The following CCDC6 variants were observed in gnomAD, a reference collection of about 807,000 sequenced individuals.
CCDC6 encodes the protein coiled-coil domain containing 6.
CCDC6 carries 20 observed loss-of-function variants against 56.6 expected under a neutral mutation model. The observed-to-expected ratio is 0.35, with a 90% CI of 0.25 to 0.51. The LOEUF (loss-of-function observed/expected upper bound fraction) is 0.51, where lower values mean the gene tolerates loss of function less well. CCDC6 is among the 20% of genes least tolerant of loss of function. CCDC6 has a pLI of 0.95. For missense variants in CCDC6, 367 were observed against 601.1 expected (o/e 0.61, Z 4.07); for synonymous variants, 241 against 234.4 (o/e 1.03, Z -0.26).
chr10:59,824,524 A>G (rs1294279351), intron 3 of CCDC6, among the ~76,000 whole-genome samples: 1 of 152,226 alleles, frequency 6.6e-6, no homozygotes, highest in East Asian at 1.9e-4. Context: ...TGGATTCGCT[A>G]TAATCAAATT....
At chr10:59,809,885 GTA>G in intron 5 of CCDC6, among the ~76,000 whole-genome samples, 1 of 152,320 alleles carries the variant, frequency 6.6e-6, no homozygotes, top group African/African-American at 2.4e-5. Flanking sequence ...AGGACTTACT[GTA>G]TTTTAGTCAA....
chr10:59,862,735 T>C (rs1409401052), intron 1 of CCDC6, among the ~76,000 whole-genome samples: 1 of 151,934 alleles, frequency 6.6e-6, no homozygotes, highest in Non-Finnish European at 1.5e-5. Flanking sequence ...TTGACAAAAA[T>C]TAACAAGTTT....
chr10:59,825,368 G>A (rs1341126323), intron 3 of CCDC6, among the ~76,000 whole-genome samples: 2 of 152,156 alleles, frequency 1.3e-5, no homozygotes, highest in Admixed American at 1.3e-4. Context: ...CATGTAAGAC[G>A]GGACATGCTC....
intron 1 of CCDC6, among the ~76,000 whole-genome samples, chr10:59,864,077 C>T (rs1477485376): frequency 1.3e-5 from 2 of 152,108 alleles, no homozygotes; most frequent in East Asian, 3.9e-4. Flanking sequence ...GTTCCCATGG[C>T]CAGCTTTAAA....
At chr10:59,797,637 GGA>G (rs1412451096) in intron 7 of CCDC6, among the ~76,000 whole-genome samples, 5 of 137,482 alleles carry the variant, frequency 3.6e-5, no homozygotes, top group Non-Finnish European at 7.6e-5. Context: ...AAGAAGACAG[GGA>G]GAGTGTGGGC....
chr10:59,805,617 T>C (rs1231620413), intron 6 of CCDC6: 3 of 152,218 alleles, frequency 2.0e-5, no homozygotes, highest in African/African-American at 7.2e-5. Context: ...TTTAGTATTC[T>C]AGCTGGCAGT....
intron 1 of CCDC6, among the ~76,000 whole-genome samples, chr10:59,898,315 C>T (rs1360112634): frequency 3.9e-5 from 6 of 152,216 alleles, no homozygotes; most frequent in Non-Finnish European, 8.8e-5. Context: ...CCAAAAGCCT[C>T]CCAGTGCCAC....
intron 5 of CCDC6, among the ~76,000 whole-genome samples, chr10:59,811,677 T>C (rs988104927): frequency 9.9e-5 from 15 of 152,144 alleles, no homozygotes; most frequent in Non-Finnish European, 2.1e-4. Context: ...TATGTGTGCA[T>C]ACTCAGGTCC....
chr10:59,852,529 GA>G (rs1329651026), intron 2 of CCDC6, 23 bp downstream of exon 2: 2 of 1,547,832 alleles, frequency 1.3e-6, no homozygotes, highest in Admixed American at 2.2e-5. Flanking sequence ...CAGGGAAGAT[GA>G]GGGAGTAGAA....
At chr10:59,894,985 A>C (rs1043842787) in intron 1 of CCDC6, among the ~76,000 whole-genome samples, 3 of 152,202 alleles carry the variant, frequency 2.0e-5, no homozygotes, top group African/African-American at 4.8e-5. Context: ...TTCTAATAGG[A>C]AAATGCCCAT....
At chr10:59,824,752 T>C (rs1467979594) in intron 3 of CCDC6, among the ~76,000 whole-genome samples, 2 of 152,342 alleles carry the variant, frequency 1.3e-5, no homozygotes, top group South Asian at 2.1e-4. Context: ...ATCTAGGTCA[T>C]GTTTTCTCAT....
At chr10:59,887,822 C>T (rs1388160039) in intron 1 of CCDC6, among the ~76,000 whole-genome samples, 1 of 151,902 alleles carries the variant, frequency 6.6e-6, no homozygotes, top group East Asian at 1.9e-4. Flanking sequence ...TTTTTTTAAC[C>T]TCCTCCTCTG....
chr10:59,829,022 G>A (rs968852955), intron 3 of CCDC6, among the ~76,000 whole-genome samples: 3 of 152,182 alleles, frequency 2.0e-5, no homozygotes, highest in Non-Finnish European at 4.4e-5. Context: ...CCTGTTTGAA[G>A]AATAAGTGGA....
intron 5 of CCDC6, among the ~76,000 whole-genome samples, chr10:59,809,603 C>T (rs2070656256): frequency 6.6e-6 from 1 of 152,160 alleles, no homozygotes; most frequent in South Asian, 2.1e-4. Flanking sequence ...ATGAGTCCTC[C>T]TCCTTCCTCT....
chr10:59,860,938 T>C (rs183799619), intron 1 of CCDC6, among the ~76,000 whole-genome samples: 6 of 152,220 alleles, frequency 3.9e-5, no homozygotes, highest in Admixed American at 2.0e-4. Context: ...CTCATGTCTG[T>C]AATCTCAGCA....
At chr10:59,836,920 C>T (rs2070887792) in intron 2 of CCDC6, among the ~76,000 whole-genome samples, 1 of 152,156 alleles carries the variant, frequency 6.6e-6, no homozygotes, top group African/African-American at 2.4e-5. Context: ...ACTATATGCT[C>T]AACTATAAAT....
intron 2 of CCDC6, among the ~76,000 whole-genome samples, chr10:59,839,537 GT>G (rs2070918231): frequency 6.7e-6 from 1 of 150,228 alleles, no homozygotes; most frequent in African/African-American, 2.5e-5. Context: ...CAAAGCCCCT[GT>G]TTCTCTTCCT....
chr10:59,850,334 T>A (rs1341863265), intron 2 of CCDC6, among the ~76,000 whole-genome samples: 1 of 148,182 alleles, frequency 6.7e-6, no homozygotes, highest in Non-Finnish European at 1.5e-5. Context: ...GCTAAAATGG[T>A]AAATTTTATG....
At chr10:59,843,255 A>G (rs1332890130) in intron 2 of CCDC6, among the ~76,000 whole-genome samples, 1 of 152,224 alleles carries the variant, frequency 6.6e-6, no homozygotes, top group East Asian at 1.9e-4. Context: ...CCTGGAATTC[A>G]TTGTTTATGA....
Sources: gnomAD v4.1 joint callset for allele counts (sites outside exome capture counted in the v4.1 genomes callset) on GRCh38, gnomAD v4.1.1 for gene constraint, MANE v1.5 for transcripts, NCBI Gene and HGNC (gene_info 2026-07-23, HGNC 2026-07-21) for gene names.